RBM26: variants seen among roughly 807,000 people sequenced by gnomAD.
The protein encoded by RBM26 is RNA binding motif protein 26.
RBM26 carries 30 observed loss-of-function variants against 123.6 expected under a neutral mutation model. The observed-to-expected ratio is 0.24, with a 90% CI of 0.18 to 0.33. The LOEUF (loss-of-function observed/expected upper bound fraction) is 0.33. Ranked by LOEUF, RBM26 falls within the 10% of genes least tolerant of loss-of-function variation. RBM26 has a pLI of 1.00. For synonymous variants in RBM26, 400 were observed against 404.4 expected (o/e 0.99, Z 0.13); for missense variants, 947 against 1,203.6 (o/e 0.79, Z 3.15).
chr13:79,386,933 G>A (rs1212647848), intron 1 of RBM26, among the ~76,000 whole-genome samples: 2 of 152,114 alleles, frequency 1.3e-5, no homozygotes, highest in Non-Finnish European at 2.9e-5. Flanking sequence ...AAATTTGGCT[G>A]AGTCGATTAA....
At chr13:79,395,576 CAAA>C (rs56278564) in intron 1 of RBM26, among the ~76,000 whole-genome samples, 2 of 149,638 alleles carry the variant, frequency 1.3e-5, no homozygotes, top group Non-Finnish European at 3.0e-5. Flanking sequence ...CCCATCTCTA[CAAA>C]AAAAAATAAA....
intron 20 of RBM26, among the ~76,000 whole-genome samples, chr13:79,329,619 C>A (rs975758597): frequency 7.2e-5 from 11 of 151,894 alleles, no homozygotes; most frequent in Non-Finnish European, 1.2e-4. Flanking sequence ...AGTCTCCTGG[C>A]CAAAGATGGA....
In RBM26 at chr13:79,337,232, T is replaced by G. The variant is rs770065741; in HGVS notation, c.2603A>C (p.His868Pro). The change falls in exon 19 of 22, where the codon CAT becomes CCT. Residue 868 changes from histidine (H) to proline (P), a missense_variant. His to Pro is a moderately conservative substitution (Grantham distance 77). Transcript: ENST00000438737. Reference sequence around the variant, plus strand: ...TCGCCCTCGCCCCCTGCCTCGGCCATGAACTGCACCTCGACCTCTTGAATG... The same window carrying G: ...TCGCCCTCGCCCCCTGCCTCGGCCAGGAACTGCACCTCGACCTCTTGAATG... ...GIHSRGRGAV[H>P]GRGRGRGRGR... The G allele has an allele frequency of 1.2e-6, 2 of 1,614,038 alleles. No homozygotes were observed. The highest frequency in any genetic ancestry group is 1.7e-6 in the Non-Finnish European group (2 of 1,180,026).
downstream of RBM26, chr13:79,315,038 A>G (rs1201854293): frequency 1.7e-6 from 2 of 1,157,642 alleles, no homozygotes; most frequent in Middle Eastern, 2.5e-4. Flanking sequence ...AAAATAGCAA[A>G]TAAATCTAAA....
intron 14 of RBM26, among the ~76,000 whole-genome samples, chr13:79,350,818 C>G (rs945626662): frequency 6.6e-6 from 1 of 151,804 alleles, no homozygotes; most frequent in Non-Finnish European, 1.5e-5. Flanking sequence ...GAATCACTGC[C>G]CTGTAAGTAT....
intron 20 of RBM26, among the ~76,000 whole-genome samples, chr13:79,328,983 T>C (rs2068874359): frequency 6.6e-6 from 1 of 152,092 alleles, no homozygotes; most frequent in Admixed American, 6.5e-5. Flanking sequence ...GTACACACTA[T>C]GGCAAGAGTG....
chr13:79,398,708 G>GA (rs966453215), intron 1 of RBM26, among the ~76,000 whole-genome samples: 27 of 149,436 alleles, frequency 1.8e-4, no homozygotes, highest in Admixed American at 4.0e-4. Flanking sequence ...CCCTCTCAAA[G>GA]AAAAAAAAAA....
chr13:79,382,173 T>C (rs866852906), intron 1 of RBM26, among the ~76,000 whole-genome samples: 2 of 152,130 alleles, frequency 1.3e-5, no homozygotes, highest in East Asian at 3.8e-4. Flanking sequence ...GATGATGTTA[T>C]GCAAAGTCAA....
intron 6 of RBM26, among the ~76,000 whole-genome samples, chr13:79,367,508 TG>T (rs1407009255): frequency 6.7e-6 from 1 of 150,150 alleles, no homozygotes; most frequent in Non-Finnish European, 1.5e-5. Flanking sequence ...GTTAGGGTCA[TG>T]GGGGTAGATC....
intron 3 of RBM26, 77 bp downstream of exon 3, chr13:79,377,302 A>G: frequency 7.7e-7 from 1 of 1,298,168 alleles, no homozygotes; most frequent in African/African-American, 1.5e-5. Context: ...ACACAAAGAT[A>G]TAGAAGATAA....
At chr13:79,391,723 C>G (rs1043733578) in intron 1 of RBM26, among the ~76,000 whole-genome samples, 1 of 151,860 alleles carries the variant, frequency 6.6e-6, no homozygotes, top group Admixed American at 6.6e-5. Flanking sequence ...CGCACCCAGC[C>G]GAAGCATTTC....
At chr13:79,353,028 G>T (rs964525367) in intron 14 of RBM26, 125 bp downstream of exon 14, 5 of 481,458 alleles carry the variant, frequency 1.0e-5, no homozygotes, top group East Asian at 3.4e-5. Flanking sequence ...AAACCAAAAG[G>T]TAGGAAAAGA....
intron 20 of RBM26, among the ~76,000 whole-genome samples, chr13:79,333,420 T>G (rs1156962723): frequency 6.6e-6 from 1 of 152,210 alleles, no homozygotes; most frequent in Admixed American, 6.5e-5. Flanking sequence ...GGGCAACTTC[T>G]ACCAGGTAAG....
intron 14 of RBM26, among the ~76,000 whole-genome samples, chr13:79,352,481 A>C (rs1792686070): frequency 6.6e-6 from 1 of 152,092 alleles, no homozygotes; most frequent in Non-Finnish European, 1.5e-5. Flanking sequence ...AAAAAAAATA[A>C]CATCTACACA....
At chr13:79,358,851 G>A (rs924552678) in intron 10 of RBM26, among the ~76,000 whole-genome samples, 2 of 152,018 alleles carry the variant, frequency 1.3e-5, no homozygotes, top group African/African-American at 2.4e-5. Context: ...TTTGATGACA[G>A]TCTCAACCTC....
At chr13:79,333,039 C>T (rs10507898) in intron 20 of RBM26, among the ~76,000 whole-genome samples, 9,022 of 152,078 alleles carry the variant, frequency 0.059, 528 homozygotes, top group African/African-American at 0.15. Flanking sequence ...ATAAAACTAC[C>T]TATCTAGCAA....
intron 20 of RBM26, among the ~76,000 whole-genome samples, chr13:79,324,824 TA>T (rs1214716371): frequency 6.6e-6 from 1 of 152,012 alleles, no homozygotes; most frequent in Non-Finnish European, 1.5e-5. Context: ...TTTGGATATT[TA>T]AAAAAGACAT....
downstream of RBM26, among the ~76,000 whole-genome samples, chr13:79,316,514 T>C (rs2067168379): frequency 6.6e-6 from 1 of 151,938 alleles, no homozygotes; most frequent in East Asian, 1.9e-4. Context: ...CCACACTTTC[T>C]ACAGGAAATC....
Position 79,355,242 on chromosome 13 carries a change from T to C in RBM26, c.1832A>G (p.Gln611Arg), listed in dbSNP as rs772923765. Residue 611 changes from glutamine to arginine, a missense_variant, in exon 12 of 22, where the codon CAG becomes CGG. Physicochemically the swap from Gln to Arg is conservative, Grantham distance 43 (BLOSUM62 1). Around this residue, in one of 5 missense-constraint regions of RBM26, gnomAD observed 493 missense variants for 563.1 expected, o/e 0.88. Coordinates refer to ENST00000438737, the MANE Select transcript of RBM26 (RefSeq NM_001366735.2). Reference protein sequence around the residue: ...VYWHREGSTQQLQTTSPKVMQ... With the variant: ...VYWHREGSTQRLQTTSPKVMQ... ...TACCTTTGGAGAAGTAGTTTGTAAC[T>C]GTTGGGTGCTTCCTTCTCTGTGCCA... The C allele has an allele frequency of 6.2e-7, 1 of 1,613,960 alleles. No individual in the cohort carries two copies. Among genetic ancestry groups the C allele is most frequent in the Non-Finnish European group, 8.5e-7 (1 of 1,179,864 alleles).
Sources: allele counts gnomAD v4.1 joint callset (sites outside exome capture counted in the v4.1 genomes callset), GRCh38; gene constraint gnomAD v4.1.1; regional missense constraint gnomAD v4.1.1; transcripts MANE v1.5; gene names NCBI Gene and HGNC (gene_info 2026-07-23, HGNC 2026-07-21).